Variants in SERGEF observed in about 807,000 individuals in gnomAD.
SERGEF encodes secretion regulating guanine nucleotide exchange factor, also known as secretion-regulating guanine nucleotide exchange factor.
Under a neutral mutation model 50.0 loss-of-function variants are expected in SERGEF, and 51 were observed. The ratio of observed to expected loss-of-function variants is 1.02; its 90% CI spans 0.81 to 1.29. SERGEF has a LOEUF of 1.29. Among genes scored for constraint, SERGEF ranks in the 50% most tolerant of loss-of-function variants. The probability of loss-of-function intolerance (pLI) is 0.00; values close to 1 mark genes in which losing one functional copy is unlikely to be tolerated. For missense variants in SERGEF, 521 were observed against 557.0 expected (o/e 0.94, Z 0.65); for synonymous variants, 205 against 212.4 (o/e 0.97, Z 0.30).
chr11:17,924,868 T>C lies in SERGEF; in HGVS notation c.1011+34602A>G, dbSNP rs144162957. 7.9e-5 allele frequency among the ~76,000 whole-genome samples: 12 copies of C among 152,238 alleles called. No individual in the cohort carries two copies. In the East Asian group the frequency reaches 2.1e-3, roughly 27 times the overall value. ...GTTTGCTGTCTTACAATTTGTGCAA[T>C]AGAGGAGCATGAATATGGAAAATTC... On this transcript the variant is annotated intron_variant, in intron 9 of 10. Coordinates refer to ENST00000265965, the MANE Select transcript of SERGEF (RefSeq NM_012139.4).
At chr11:17,843,396 A>C (rs1296270058) in intron 10 of SERGEF, among the ~76,000 whole-genome samples, 1 of 152,222 alleles carries the variant, frequency 6.6e-6, no homozygotes, top group African/African-American at 2.4e-5. Flanking sequence ...TTCATGTAGT[A>C]AGTCAATCCT....
chr11:17,796,747 G>A (rs1277943138), intron 10 of SERGEF, among the ~76,000 whole-genome samples: 1 of 152,198 alleles, frequency 6.6e-6, no homozygotes, highest in African/African-American at 2.4e-5. Flanking sequence ...CCAGGGCCAA[G>A]GATACCCTCG....
chr11:17,959,375 T>C (rs1237103876), intron 9 of SERGEF, 95 bp downstream of exon 9: 22 of 1,130,232 alleles, frequency 1.9e-5, no homozygotes, highest in Non-Finnish European at 2.7e-5. Context: ...ATGGTACCTA[T>C]CCATAACGCC....
intron 9 of SERGEF, among the ~76,000 whole-genome samples, chr11:17,935,951 A>G (rs931346700): frequency 6.6e-6 from 1 of 151,978 alleles, no homozygotes; most frequent in Admixed American, 6.6e-5. Context: ...AATTTCCTCA[A>G]AGATCACTAC....
At chr11:17,990,732 T>C (rs1024155008) in intron 7 of SERGEF, among the ~76,000 whole-genome samples, 6 of 152,044 alleles carry the variant, frequency 3.9e-5, no homozygotes, top group African/African-American at 1.2e-4. Flanking sequence ...ATCCAATGTG[T>C]AACAGCTTGA....
intron 10 of SERGEF, among the ~76,000 whole-genome samples, chr11:17,873,240 T>C (rs1435461014): frequency 6.6e-6 from 1 of 152,014 alleles, no homozygotes; most frequent in Admixed American, 6.6e-5. Flanking sequence ...CTGGGTGGAG[T>C]AAACTGCTCA....
At chr11:17,994,810 T>C (rs1311290058) in intron 6 of SERGEF, among the ~76,000 whole-genome samples, 1 of 151,956 alleles carries the variant, frequency 6.6e-6, no homozygotes, top group Non-Finnish European at 1.5e-5. Context: ...CTCCAGGACT[T>C]AGAAAAATTA....
At chr11:17,845,209 T>G (rs543798970) in intron 10 of SERGEF, among the ~76,000 whole-genome samples, 96 of 152,314 alleles carry the variant, frequency 6.3e-4, no homozygotes, top group Middle Eastern at 6.8e-3. Context: ...ATGCTCTGCT[T>G]CAACTTCTTC....
At chr11:17,820,846 A>G (rs1236929377) in intron 10 of SERGEF, among the ~76,000 whole-genome samples, 3 of 152,206 alleles carry the variant, frequency 2.0e-5, no homozygotes, top group African/African-American at 7.2e-5. Flanking sequence ...AAAGAGGAGG[A>G]GGCAGTGTGA....
At chr11:17,907,332 T>C (rs543789578) in intron 9 of SERGEF, among the ~76,000 whole-genome samples, 1 of 152,290 alleles carries the variant, frequency 6.6e-6, no homozygotes. Flanking sequence ...GGTGATGAAC[T>C]GGATAAACTC....
At chr11:17,910,540 C>T (rs976204782) in intron 9 of SERGEF, among the ~76,000 whole-genome samples, 14 of 152,180 alleles carry the variant, frequency 9.2e-5, no homozygotes, top group Admixed American at 8.5e-4. Flanking sequence ...AGCCATGAGC[C>T]ATCATGTCTG....
chr11:17,893,034 G>C (rs1851560471), intron 9 of SERGEF, among the ~76,000 whole-genome samples: 1 of 152,192 alleles, frequency 6.6e-6, no homozygotes, highest in African/African-American at 2.4e-5. Context: ...GTTTTGTCAA[G>C]TAGTATATGT....
chr11:17,898,687 G>C (rs1194711361), intron 9 of SERGEF, among the ~76,000 whole-genome samples: 1 of 152,028 alleles, frequency 6.6e-6, no homozygotes, highest in East Asian at 1.9e-4. Context: ...AGATGGAAAA[G>C]AAAAACAACT....
intron 9 of SERGEF, among the ~76,000 whole-genome samples, chr11:17,914,668 A>T (rs1332682106): frequency 3.3e-5 from 5 of 152,184 alleles, no homozygotes; most frequent in Non-Finnish European, 7.3e-5. Context: ...CATAGTTAAA[A>T]ACCATTGTCC....
At chr11:17,824,164 G>A (rs890763653) in intron 10 of SERGEF, among the ~76,000 whole-genome samples, 4 of 152,158 alleles carry the variant, frequency 2.6e-5, no homozygotes, top group African/African-American at 7.2e-5. Context: ...AGCCGGGCGT[G>A]GTGGCGGGCG....
intron 5 of SERGEF, among the ~76,000 whole-genome samples, chr11:17,997,498 C>T (rs1853861159): frequency 6.6e-6 from 1 of 152,092 alleles, no homozygotes; most frequent in South Asian, 2.1e-4. Context: ...AATAGAATTA[C>T]CATATGAACT....
At position 17,884,778 on chromosome 11, in the gene SERGEF, A is replaced by G. The variant is rs1851398855; in HGVS notation, c.1012-6534T>C. ...AAGCACATTGTATGTATGCCTGTGA[A>G]AAAAATGAGCTTGAACTAGGTTCTG... On this transcript the variant is annotated intron_variant, in intron 9 of 10. Coordinates refer to ENST00000265965, the MANE Select transcript of SERGEF (RefSeq NM_012139.4). The surrounding 1 kb of genome is among the most constrained non-coding windows in gnomAD (Gnocchi z 4.6). Among the ~76,000 whole-genome samples the G allele has an allele frequency of 6.6e-6, 1 of 152,220 alleles. No homozygotes were observed. Among genetic ancestry groups the G allele is most frequent in the Non-Finnish European group, 1.5e-5 (1 of 68,032 alleles).
intron 1 of SERGEF, 69 bp downstream of exon 1, chr11:18,012,882 C>A (rs887858111): frequency 9.2e-6 from 14 of 1,529,894 alleles, no homozygotes; most frequent in Non-Finnish European, 1.2e-5. Context: ...CTGCCCACGC[C>A]GCGGCCAGCA....
At chr11:17,876,813 GTCCTA>G (rs1851242785) in intron 10 of SERGEF, among the ~76,000 whole-genome samples, 1 of 152,252 alleles carries the variant, frequency 6.6e-6, no homozygotes, top group African/African-American at 2.4e-5. Context: ...TAGCAGCAAT[GTCCTA>G]GGCACCGCCT....
Sources: gnomAD v4.1 joint callset for allele counts (sites outside exome capture counted in the v4.1 genomes callset) on GRCh38, gnomAD v4.1.1 for gene constraint, Gnocchi (gnomAD v3.1) non-coding constraint, MANE v1.5 for transcripts, NCBI Gene and HGNC (gene_info 2026-07-23, HGNC 2026-07-21) for gene names.